The following PACRG variants were observed in gnomAD, a reference collection of about 807,000 sequenced individuals.
The protein encoded by PACRG is parkin coregulated gene protein.
Under a neutral mutation model 29.7 loss-of-function variants are expected in PACRG, and 29 were observed. The observed-to-expected ratio is 0.98, with a 90% CI of 0.73 to 1.33. The LOEUF (loss-of-function observed/expected upper bound fraction) is 1.33, where lower values mean the gene tolerates loss of function less well. Among genes scored for constraint, PACRG ranks in the 40% most tolerant of loss-of-function variants. The pLI, the probability that PACRG is intolerant of heterozygous loss-of-function variation, is 0.00. For synonymous variants in PACRG, 116 were observed against 118.7 expected, an observed-to-expected ratio of 0.98 and a Z score of 0.15; for missense variants, 279 against 316.2, an observed-to-expected ratio of 0.88 and a Z score of 0.89.
At chr6:162,940,318 C>CT (rs1033189372) in intron 2 of PACRG, among the ~76,000 whole-genome samples, 4 of 152,074 alleles carry the variant, frequency 2.6e-5, no homozygotes, top group African/African-American at 9.7e-5. Context: ...CCTTGGCTCT[C>CT]TGACTTCTAT....
intron 2 of PACRG, among the ~76,000 whole-genome samples, chr6:162,950,708 A>G (rs1380524802): frequency 6.6e-6 from 1 of 152,228 alleles, no homozygotes; most frequent in African/African-American, 2.4e-5. Context: ...AGGAAAAAAT[A>G]CTACAAATAT....
intron 4 of PACRG, among the ~76,000 whole-genome samples, chr6:163,180,132 G>T (rs1284583816): frequency 6.6e-6 from 1 of 152,182 alleles, no homozygotes; most frequent in East Asian, 1.9e-4. Flanking sequence ...CATAATTTTG[G>T]GTTTTGCTGT....
At chr6:163,140,194 G>A (rs115887438) in intron 4 of PACRG, among the ~76,000 whole-genome samples, 21 of 152,274 alleles carry the variant, frequency 1.4e-4, no homozygotes, top group South Asian at 6.2e-4. Context: ...AAACCATTGC[G>A]ACAGAGAACC....
chr6:163,306,697 A>T (rs1283283518), intron 4 of PACRG, among the ~76,000 whole-genome samples: 1 of 152,122 alleles, frequency 6.6e-6, no homozygotes, highest in Non-Finnish European at 1.5e-5. Flanking sequence ...TTTTCTTAGA[A>T]CTTGACTTGA....
intron 1 of PACRG, among the ~76,000 whole-genome samples, chr6:162,783,807 G>T (rs1443962449): frequency 3.9e-5 from 6 of 151,964 alleles, no homozygotes; most frequent in Admixed American, 2.0e-4. Flanking sequence ...TTGATTTGGA[G>T]TCCCTCTAAC....
intron 4 of PACRG, among the ~76,000 whole-genome samples, chr6:163,123,104 G>T (rs76567122): frequency 6.6e-6 from 1 of 152,186 alleles, no homozygotes; most frequent in Non-Finnish European, 1.5e-5. Context: ...GAAAAACCCC[G>T]TGTGCCCAGG....
chr6:162,871,349 C>G (rs912935737), intron 2 of PACRG, among the ~76,000 whole-genome samples: 22 of 152,054 alleles, frequency 1.4e-4, no homozygotes, highest in African/African-American at 5.1e-4. Flanking sequence ...AGGTATTTCC[C>G]CAAGGTCTTA....
intron 4 of PACRG, among the ~76,000 whole-genome samples, chr6:163,300,516 G>A (rs1484093970): frequency 2.6e-5 from 4 of 152,214 alleles, no homozygotes; most frequent in Non-Finnish European, 5.9e-5. Context: ...ATGTGAGCCA[G>A]AATGCTGCCA....
chr6:162,849,920 C>A (rs1790718782), intron 2 of PACRG, among the ~76,000 whole-genome samples: 1 of 152,120 alleles, frequency 6.6e-6, no homozygotes. Context: ...TTTTTTATAA[C>A]TTCATTAATA....
intron 4 of PACRG, among the ~76,000 whole-genome samples, chr6:163,204,018 T>C: frequency 6.6e-6 from 1 of 152,224 alleles, no homozygotes; most frequent in East Asian, 1.9e-4. Flanking sequence ...TTGCCTATTT[T>C]CATGATACAT....
chr6:162,870,702 C>T (rs1792731650), intron 2 of PACRG, among the ~76,000 whole-genome samples: 1 of 152,168 alleles, frequency 6.6e-6, no homozygotes, highest in Non-Finnish European at 1.5e-5. Context: ...CTGGTTTATC[C>T]ATATATTATT....
rs184709932 is a variant in PACRG at position 162,902,983 on chromosome 6, A to G, written c.291+88702A>G. Among the ~76,000 whole-genome samples, 556 of 152,282 alleles carry G rather than the reference A, an allele frequency of 3.7e-3. 2 individuals are homozygous for G. The highest frequency in any genetic ancestry group is 0.013 in the African/African-American group (533 of 41,552). On this transcript the variant is annotated intron_variant, in intron 2 of 4. Transcript: ENST00000366888. ...TTTTTCTGCTATAATAATATACCTT[A>G]CTGTTAATCCTTCCCAGCTGTTGGA...
intron 1 of PACRG, among the ~76,000 whole-genome samples, chr6:162,728,637 T>C (rs1314775103): frequency 2.6e-5 from 4 of 152,228 alleles, no homozygotes; most frequent in Non-Finnish European, 5.9e-5. Flanking sequence ...TTATGGTTTC[T>C]GGACCGCCCA....
intron 4 of PACRG, among the ~76,000 whole-genome samples, chr6:163,148,961 CGGGGGGG>C (rs58611407): frequency 0.3 from 2,687 of 8,850 alleles, 260 homozygotes; most frequent in Middle Eastern, 0.5. Context: ...AAATCTATGG[CGGGGGGG>C]GGGGGGGGGG....
At chr6:162,901,482 T>C (rs577450195) in intron 2 of PACRG, among the ~76,000 whole-genome samples, 1 of 152,328 alleles carries the variant, frequency 6.6e-6, no homozygotes, top group Non-Finnish European at 1.5e-5. Flanking sequence ...TCCAGGATGA[T>C]ACATAGATAA....
intron 1 of PACRG, among the ~76,000 whole-genome samples, chr6:162,802,868 T>C (rs749078471): frequency 6.6e-6 from 1 of 152,230 alleles, no homozygotes; most frequent in South Asian, 2.1e-4. Context: ...ATTCTGACTA[T>C]TCTTTCTATT....
intron 2 of PACRG, among the ~76,000 whole-genome samples, chr6:162,929,428 A>G (rs1797685566): frequency 6.6e-6 from 1 of 151,686 alleles, no homozygotes; most frequent in Non-Finnish European, 1.5e-5. Flanking sequence ...TTTAAATTGT[A>G]TTATTTACTT....
chr6:163,003,230 A>C (rs1445345982), intron 2 of PACRG, among the ~76,000 whole-genome samples: 1 of 152,360 alleles, frequency 6.6e-6, no homozygotes, highest in East Asian at 1.9e-4. Flanking sequence ...GTGTTGTCAG[A>C]AAAAATGAAA....
At chr6:163,085,829 T>A (rs1376204623) in intron 3 of PACRG, among the ~76,000 whole-genome samples, 1 of 152,222 alleles carries the variant, frequency 6.6e-6, no homozygotes, top group African/African-American at 2.4e-5. Context: ...CATACTTGTT[T>A]AATATCTTTT....
Sources: gnomAD v4.1 joint callset for allele counts (sites outside exome capture counted in the v4.1 genomes callset) on GRCh38, gnomAD v4.1.1 for gene constraint, MANE v1.5 for transcripts, NCBI Gene and HGNC (gene_info 2026-07-23, HGNC 2026-07-21) for gene names.